EFHB: variants seen among roughly 807,000 people sequenced by gnomAD.
EFHB encodes EF-hand domain family member B.
EFHB carries 91 observed loss-of-function variants against 87.2 expected under a neutral mutation model. That is an observed-to-expected ratio of 1.04 (90% CI 0.88 to 1.24). EFHB has a LOEUF of 1.24. EFHB is among the 50% of genes most tolerant of loss of function. The pLI is 0.00. For missense variants in EFHB, 1,084 were observed against 998.8 expected (o/e 1.09, Z -1.15); for synonymous variants, 325 against 333.6 (o/e 0.97, Z 0.28).
intron 1 of EFHB, chr3:19,942,965 A>G: frequency 4.2e-6 from 1 of 237,348 alleles, no homozygotes; most frequent in Non-Finnish European, 8.3e-6. Context: ...ACCTTTCTGG[A>G]CAGAAGTTTT....
At chr3:19,906,975 T>C (rs936786104) in intron 5 of EFHB, among the ~76,000 whole-genome samples, 1 of 151,758 alleles carries the variant, frequency 6.6e-6, no homozygotes, top group Non-Finnish European at 1.5e-5. Context: ...GATAGTCTCT[T>C]CAATAAATGG....
chr3:19,946,901 G>A (rs78836763), intron 1 of EFHB: 1,776 of 152,676 alleles, frequency 0.012, 32 homozygotes, highest in African/African-American at 0.04. Flanking sequence ...GCGCTGGAGA[G>A]GGCGTGGCCG....
chr3:19,934,852 A>G (rs1695972557), upstream of EFHB, among the ~76,000 whole-genome samples: 1 of 152,230 alleles, frequency 6.6e-6, no homozygotes, highest in Admixed American at 6.5e-5. Flanking sequence ...GCATAAAGAC[A>G]TCTTAAAGTC....
chr3:19,929,009 T>C (rs2929354), intron 1 of EFHB, among the ~76,000 whole-genome samples: 98,124 of 151,866 alleles, frequency 0.65, 32,261 homozygotes, highest in African/African-American at 0.73. Flanking sequence ...GGAGCAATTT[T>C]CAATCTAATT....
At chr3:19,928,004 A>G (rs1024720660) in intron 1 of EFHB, among the ~76,000 whole-genome samples, 2 of 150,362 alleles carry the variant, frequency 1.3e-5, no homozygotes, top group African/African-American at 2.4e-5. Flanking sequence ...CATAACATAT[A>G]AAGAAAGCAT....
intron 1 of EFHB, among the ~76,000 whole-genome samples, chr3:19,944,671 T>G (rs1321349306): frequency 6.6e-6 from 1 of 152,028 alleles, no homozygotes; most frequent in Non-Finnish European, 1.5e-5. Flanking sequence ...ATGAAGGAGG[T>G]GAAGACAAAA....
chr3:19,914,022 C>A (rs1432567497), intron 5 of EFHB, among the ~76,000 whole-genome samples: 1 of 152,206 alleles, frequency 6.6e-6, no homozygotes, highest in Non-Finnish European at 1.5e-5. Context: ...TGGCTCACTG[C>A]AACCTGGAAC....
intron 7 of EFHB, among the ~76,000 whole-genome samples, chr3:19,899,201 T>C (rs1694586062): frequency 6.6e-6 from 1 of 152,230 alleles, no homozygotes; most frequent in South Asian, 2.1e-4. Context: ...AATAATGCTT[T>C]ATGCAAAATT....
intron 5 of EFHB, among the ~76,000 whole-genome samples, chr3:19,913,404 G>A (rs1559462716): frequency 1.3e-5 from 2 of 152,094 alleles, no homozygotes; most frequent in South Asian, 4.1e-4. Context: ...TACCAACAGT[G>A]AATGATGTGA....
At chr3:19,933,175 A>T in intron 1 of EFHB, 55 bp downstream of exon 1, 1 of 1,510,250 alleles carries the variant, frequency 6.6e-7, no homozygotes, top group Non-Finnish European at 8.9e-7. Flanking sequence ...TATCATCTCA[A>T]TAAAGACATG....
intron 1 of EFHB, chr3:19,946,139 G>C (rs1696273906): frequency 1.3e-5 from 2 of 152,178 alleles, no homozygotes; most frequent in Non-Finnish European, 2.9e-5. Flanking sequence ...CACCAGAATT[G>C]TGTTCAACAA....
intron 6 of EFHB, among the ~76,000 whole-genome samples, chr3:19,903,876 A>C (rs1413951284): frequency 6.6e-6 from 1 of 152,224 alleles, no homozygotes; most frequent in Non-Finnish European, 1.5e-5. Flanking sequence ...TCTGAGCTGC[A>C]TGATCTTAGG....
chr3:19,922,062 AG>A (rs1695455779), intron 1 of EFHB, among the ~76,000 whole-genome samples: 2 of 152,024 alleles, frequency 1.3e-5, no homozygotes, highest in South Asian at 4.2e-4. Context: ...CTACTCGGGA[AG>A]CTGAGGCAGG....
chr3:19,908,407 C>T (rs1435596531), intron 5 of EFHB, among the ~76,000 whole-genome samples: 2 of 151,908 alleles, frequency 1.3e-5, no homozygotes, highest in East Asian at 1.9e-4. Context: ...GTGGCGGGCG[C>T]CTGTAATCCC....
chr3:19,881,591 A>G (rs2071677455), intron 12 of EFHB, among the ~76,000 whole-genome samples: 1 of 152,174 alleles, frequency 6.6e-6, no homozygotes, highest in Non-Finnish European at 1.5e-5. Flanking sequence ...TTTGACCCAC[A>G]GGAAGGATAC....
At chr3:19,908,243 A>G (rs1694904865) in intron 5 of EFHB, among the ~76,000 whole-genome samples, 1 of 152,184 alleles carries the variant, frequency 6.6e-6, no homozygotes, top group South Asian at 2.1e-4. Context: ...ATCTATGAAC[A>G]TATTATCGGC....
In EFHB at chr3:19,933,424, C is replaced by G. The variant is rs1695900714; in HGVS notation, c.595G>C (p.Ala199Pro). 1 of 1,613,928 alleles carries G rather than the reference C, an allele frequency of 6.2e-7. No homozygotes were observed. Among genetic ancestry groups the G allele is most frequent in the African/African-American group, 1.3e-5 (1 of 74,926 alleles). Residue 199 changes from alanine to proline, a missense_variant, in exon 1 of 13, where the codon GCC becomes CCC. Ala to Pro is a conservative substitution (Grantham distance 27, BLOSUM62 -1). Coordinates refer to ENST00000295824, the MANE Select transcript of EFHB (RefSeq NM_144715.4). ...PVEVDIGLTQAEGPDETKNTE... is the reference protein window; with the variant it reads ...PVEVDIGLTQPEGPDETKNTE... ...TTCTTAGTCTCATCTGGCCCCTCGG[C>G]TTGGGTTAGTCCAATGTCCACCTCC... is the stretch of plus-strand genomic sequence containing the variant.
chr3:19,899,639 G>T lies in EFHB; in HGVS notation c.1419-124C>A, dbSNP rs76609677. 5.0e-3 allele frequency: 2,723 copies of T among 549,066 alleles called. 69 individuals are homozygous for T. Among genetic ancestry groups the T allele is most frequent in the African/African-American group, 0.047 (2,437 of 52,056 alleles). 34.0% of individuals were successfully genotyped at this position (549,066 alleles called of 1,614,324 possible). A position where few individuals can be genotyped will look rare whatever the true frequency, so the allele number is the denominator to read the frequency against. ...TCCAGGAACAAATGTAGTTTCAAAA[G>T]AAACTCTCTGCTAAAAAGAAAGTTT... On this transcript the variant is annotated intron_variant, in intron 6 of 12. Coordinates refer to ENST00000295824, the MANE Select transcript of EFHB (RefSeq NM_144715.4).
At chr3:19,914,764 C>T (rs1448398915) in intron 5 of EFHB, among the ~76,000 whole-genome samples, 1 of 152,072 alleles carries the variant, frequency 6.6e-6, no homozygotes, top group Admixed American at 6.6e-5. Context: ...TTGACCATCA[C>T]CCAATATTCT....
Sources: gnomAD v4.1 joint callset for allele counts (sites outside exome capture counted in the v4.1 genomes callset) on GRCh38, gnomAD v4.1.1 for gene constraint, MANE v1.5 for transcripts, NCBI Gene and HGNC (gene_info 2026-07-23, HGNC 2026-07-21) for gene names.